The following RPS6KC1 variants were observed in gnomAD, a reference collection of about 807,000 sequenced individuals.
RPS6KC1 encodes the protein inactive ribosomal protein S6 kinase delta-1.
A neutral mutation model predicts 103.8 loss-of-function variants in RPS6KC1; 54 were observed. That is an observed-to-expected ratio of 0.52 (90% CI 0.42 to 0.65). The LOEUF is 0.65. Among genes scored for constraint, RPS6KC1 ranks in the 30% least tolerant of loss-of-function variants. The probability of loss-of-function intolerance (pLI) is 0.00; values close to 1 mark genes in which losing one functional copy is unlikely to be tolerated. For synonymous variants in RPS6KC1, 439 were observed against 438.7 expected, an observed-to-expected ratio of 1.00 and a Z score of -0.01; for missense variants, 1,151 against 1,253.8, an observed-to-expected ratio of 0.92 and a Z score of 1.24.
chr1:213,493,394 G>C, the RPS6KC1 span, among the ~76,000 whole-genome samples: 4 of 151,948 alleles, frequency 2.6e-5, no homozygotes, highest in Admixed American at 6.6e-5. Flanking sequence ...AGGCTCTGAT[G>C]TAGCTCTCAC....
chr1:213,131,754 T>G (rs1465078010), intron 6 of RPS6KC1, among the ~76,000 whole-genome samples: 1 of 152,178 alleles, frequency 6.6e-6, no homozygotes, highest in Non-Finnish European at 1.5e-5. Flanking sequence ...ATCTGTTGGG[T>G]TTTTTGTTTG....
chr1:213,859,785 T>C, the RPS6KC1 span, among the ~76,000 whole-genome samples: 1 of 152,222 alleles, frequency 6.6e-6, no homozygotes, highest in African/African-American at 2.4e-5. Flanking sequence ...TGGAACTTTT[T>C]CTCAATCAAT....
At chr1:213,618,615 C>T in the RPS6KC1 span, among the ~76,000 whole-genome samples, 5 of 152,192 alleles carry the variant, frequency 3.3e-5, no homozygotes, top group Non-Finnish European at 7.3e-5. Context: ...TGGAATGAGT[C>T]ATGTGGCCTT....
At chr1:213,272,381 T>G in intron 14 of RPS6KC1, 143 bp from the exon 15 acceptor site, 1 of 640,208 alleles carries the variant, frequency 1.6e-6, no homozygotes, top group Non-Finnish European at 2.8e-6. Context: ...CATAGCTCCC[T>G]TTCAAGAAAA....
In RPS6KC1 at chr1:213,129,684, C is replaced by A. The variant is rs757182331; in HGVS notation, c.630C>A (p.Asp210Glu). ...CAGCACTAGGGGCTGTTGCTTCTGACAGTGAACAGAGCAAAACAGAAGAAG... is the reference window on the plus strand; with the variant it reads ...CAGCACTAGGGGCTGTTGCTTCTGAAAGTGAACAGAGCAAAACAGAAGAAG... ...DSSALGAVAS[D>E]SEQSKTEEER... Residue 210 changes from aspartate to glutamate, a missense_variant, in exon 6 of 15, where the codon GAC becomes GAA. By Grantham distance (45) the Asp-to-Glu change is conservative (BLOSUM62 2). Transcript: ENST00000366960. 8.1e-6 allele frequency: 13 copies of A among 1,613,998 alleles called. No homozygotes were observed. Among genetic ancestry groups the A allele is most frequent in the Non-Finnish European group, 1.1e-5 (13 of 1,179,958 alleles).
At chr1:213,639,271 A>G in the RPS6KC1 span, among the ~76,000 whole-genome samples, 1 of 152,114 alleles carries the variant, frequency 6.6e-6, no homozygotes, top group African/African-American at 2.4e-5. Context: ...GCAGGTGATC[A>G]TGTCATCTGT....
the RPS6KC1 span, among the ~76,000 whole-genome samples, chr1:213,662,428 ATTTT>A: frequency 1.7e-5 from 2 of 120,958 alleles, no homozygotes; most frequent in African/African-American, 3.2e-5. Context: ...CACCTGGCTA[ATTTT>A]TTTTTTTTTT....
chr1:213,760,848 CTTTTT>C, the RPS6KC1 span, among the ~76,000 whole-genome samples: 9 of 117,178 alleles, frequency 7.7e-5, no homozygotes, highest in Admixed American at 8.6e-5. Flanking sequence ...TGTGAGTCTA[CTTTTT>C]TTTTTTTTTT....
At chr1:213,318,782 G>GC in the RPS6KC1 span, among the ~76,000 whole-genome samples, 1 of 152,108 alleles carries the variant, frequency 6.6e-6, no homozygotes, top group South Asian at 2.1e-4. Context: ...GGAAAGACCT[G>GC]CCCCCATGAT....
At chr1:213,513,962 G>A in the RPS6KC1 span, among the ~76,000 whole-genome samples, 4 of 152,270 alleles carry the variant, frequency 2.6e-5, no homozygotes, top group African/African-American at 9.6e-5. Flanking sequence ...GTTGCTTGTG[G>A]TTTTTTGATT....
chr1:213,623,824 C>T, the RPS6KC1 span, among the ~76,000 whole-genome samples: 1 of 152,212 alleles, frequency 6.6e-6, no homozygotes, highest in Non-Finnish European at 1.5e-5. Context: ...AGCAACACAT[C>T]CGCTGAGGTC....
chr1:213,262,722 C>T lies in RPS6KC1; in HGVS notation c.2996C>T (p.Thr999Ile). The T allele has an allele frequency of 6.3e-7, 1 of 1,594,418 alleles. No individual in the cohort carries two copies. The highest frequency in any genetic ancestry group is 8.6e-7 in the Non-Finnish European group (1 of 1,161,986). Residue 999 changes from threonine to isoleucine, a missense_variant and splice_region_variant, in exon 14 of 15, where the codon ACT becomes ATT. Physicochemically the swap from Thr to Ile is moderately conservative, Grantham distance 89. Around this residue, in one of 3 missense-constraint regions of RPS6KC1, gnomAD observed 189 missense variants for 228.8 expected, o/e 0.83. Coordinates refer to ENST00000366960, the MANE Select transcript of RPS6KC1 (RefSeq NM_012424.6). ...AVLFELLTGK[T>I]LVECHPAGIN... ...AGTGTACCTGATTGATTGTTTCAGA[C>T]TCTGGTTGAATGCCATCCAGCAGGA...
chr1:213,101,422 GTC>G (rs1182829733), intron 3 of RPS6KC1, among the ~76,000 whole-genome samples: 1 of 152,110 alleles, frequency 6.6e-6, no homozygotes. Flanking sequence ...CTGAAAAAAA[GTC>G]TCAATTCATA....
At chr1:213,239,754 G>A (rs1308139725) in intron 10 of RPS6KC1, among the ~76,000 whole-genome samples, 1 of 152,040 alleles carries the variant, frequency 6.6e-6, no homozygotes, top group Admixed American at 6.6e-5. Context: ...GTATACTTCT[G>A]TAGTTACTGC....
the RPS6KC1 span, among the ~76,000 whole-genome samples, chr1:213,838,413 T>C: frequency 0.31 from 47,348 of 151,980 alleles, 11,637 homozygotes; most frequent in African/African-American, 0.68. Context: ...ATGGCTGGCA[T>C]GGCCCTTCCA....
At chr1:213,186,722 A>G (rs895527621) in intron 8 of RPS6KC1, among the ~76,000 whole-genome samples, 1 of 152,100 alleles carries the variant, frequency 6.6e-6, no homozygotes, top group Non-Finnish European at 1.5e-5. Flanking sequence ...GTCTTTTGAG[A>G]TAATTTTTAA....
intron 8 of RPS6KC1, among the ~76,000 whole-genome samples, chr1:213,180,716 T>C (rs903533749): frequency 6.6e-6 from 1 of 152,218 alleles, no homozygotes; most frequent in African/African-American, 2.4e-5. Flanking sequence ...TATTTTAATA[T>C]AAGTTTTTAT....
At chr1:213,650,692 G>A in the RPS6KC1 span, among the ~76,000 whole-genome samples, 1 of 152,074 alleles carries the variant, frequency 6.6e-6, no homozygotes, top group Admixed American at 6.6e-5. Flanking sequence ...CTTGCCTCCT[G>A]AGCCCATCAG....
chr1:213,580,961 G>A, the RPS6KC1 span, among the ~76,000 whole-genome samples: 1 of 152,008 alleles, frequency 6.6e-6, no homozygotes, highest in Non-Finnish European at 1.5e-5. Flanking sequence ...TCCAAAGTAT[G>A]CCTGTATACA....
Sources: allele counts gnomAD v4.1 joint callset (sites outside exome capture counted in the v4.1 genomes callset), GRCh38; gene constraint gnomAD v4.1.1; regional missense constraint gnomAD v4.1.1; transcripts MANE v1.5; gene names NCBI Gene and HGNC (gene_info 2026-07-23, HGNC 2026-07-21).